KMT2C: variants seen among roughly 807,000 people sequenced by gnomAD.
KMT2C encodes histone-lysine N-methyltransferase 2C.
KMT2C carries 88 observed loss-of-function variants against 507.9 expected under a neutral mutation model. The observed-to-expected ratio is 0.17, with a 90% CI of 0.15 to 0.21. KMT2C has a LOEUF of 0.21. KMT2C is among the 10% of genes least tolerant of loss of function. The pLI is 1.00. For synonymous variants in KMT2C, 2,049 were observed against 2,080.8 expected, an observed-to-expected ratio of 0.98 and a Z score of 0.42; for missense variants, 4,954 against 5,957.8, an observed-to-expected ratio of 0.83 and a Z score of 5.55.
intron 7 of KMT2C, among the ~76,000 whole-genome samples, chr7:152,272,005 T>G (rs1338387211): frequency 1.3e-5 from 2 of 150,758 alleles, no homozygotes; most frequent in African/African-American, 2.4e-5. Context: ...TTGGGGGGGG[T>G]CTCTCTATTA....
At chr7:152,290,256 GTGTATATATATATATA>G in intron 6 of KMT2C, among the ~76,000 whole-genome samples, 1 of 32,050 alleles carries the variant, frequency 3.1e-5, no homozygotes, top group East Asian at 9.2e-4. Context: ...GTGTGTGTAT[GTGTATATATATATATA>G]TATATATATA....
intron 6 of KMT2C, among the ~76,000 whole-genome samples, chr7:152,291,147 A>C (rs1005437845): frequency 5.9e-5 from 9 of 152,188 alleles, no homozygotes; most frequent in Non-Finnish European, 1.0e-4. Flanking sequence ...CAAAGCTATT[A>C]AGTATTTGAC....
intron 1 of KMT2C, among the ~76,000 whole-genome samples, chr7:152,363,097 T>C (rs1199366792): frequency 1.3e-5 from 2 of 152,220 alleles, no homozygotes; most frequent in African/African-American, 2.4e-5. Context: ...ACCCTATCAG[T>C]TGCCAACTTT....
At chr7:152,345,510 A>G (rs1027684032) in intron 2 of KMT2C, among the ~76,000 whole-genome samples, 3 of 152,204 alleles carry the variant, frequency 2.0e-5, no homozygotes, top group Non-Finnish European at 4.4e-5. Context: ...AGAAATTGTT[A>G]TAATAGGTTG....
At chr7:152,302,817 T>C (rs1426378774) in intron 6 of KMT2C, among the ~76,000 whole-genome samples, 1 of 151,950 alleles carries the variant, frequency 6.6e-6, no homozygotes, top group Non-Finnish European at 1.5e-5. Flanking sequence ...AATTTTTATA[T>C]TTTTTTAGTA....
intron 9 of KMT2C, among the ~76,000 whole-genome samples, chr7:152,253,291 A>G (rs1301943775): frequency 2.0e-5 from 3 of 152,102 alleles, no homozygotes; most frequent in Non-Finnish European, 4.4e-5. Context: ...AGATAAAACC[A>G]AAAAGACAGC....
chr7:152,179,505 G>A (rs1469553190), intron 37 of KMT2C, among the ~76,000 whole-genome samples: 2 of 151,972 alleles, frequency 1.3e-5, no homozygotes, highest in East Asian at 1.9e-4. Context: ...GTTCTTAGAG[G>A]AAAAAAATGT....
chr7:152,215,513 CAAAAAAA>C (rs35751147), intron 23 of KMT2C, among the ~76,000 whole-genome samples: 17 of 25,968 alleles, frequency 6.5e-4, no homozygotes, highest in Non-Finnish European at 1.2e-3. Flanking sequence ...GACTCTGTCT[CAAAAAAA>C]AAAAAAAAAA....
rs559388226 is a variant in KMT2C, at chr7:152,357,614, A to G, written c.250+973T>C. 7.4e-5 allele frequency among the ~76,000 whole-genome samples: 11 copies of G among 149,318 alleles called. No homozygotes were observed. In the South Asian group the frequency reaches 8.5e-4, roughly 11 times the overall value. Reference sequence around the variant, plus strand: ...GTAAAAGTAACAATATATAGTACAGAAAAAAAAACCATATGAAAAAGAATT... The same window carrying G: ...GTAAAAGTAACAATATATAGTACAGGAAAAAAAACCATATGAAAAAGAATT... On this transcript the variant is annotated intron_variant, in intron 2 of 58. Coordinates refer to ENST00000262189, the MANE Select transcript of KMT2C (RefSeq NM_170606.3).
chr7:152,211,010 TAA>T (rs1378194652), intron 23 of KMT2C, among the ~76,000 whole-genome samples: 1 of 152,162 alleles, frequency 6.6e-6, no homozygotes, highest in Non-Finnish European at 1.5e-5. Context: ...CTGAAGGATA[TAA>T]GACAGCAGAC....
At chr7:152,179,782 G>A (rs1048403885) in intron 37 of KMT2C, 52 bp downstream of exon 37, 10 of 1,537,334 alleles carry the variant, frequency 6.5e-6, no homozygotes, top group Non-Finnish European at 9.0e-6. Flanking sequence ...ACCCAGCTCT[G>A]TTTCCCTCTT....
chr7:152,387,954 AAAG>A (rs770660599), intron 1 of KMT2C, among the ~76,000 whole-genome samples: 95 of 152,172 alleles, frequency 6.2e-4, no homozygotes, highest in Admixed American at 1.6e-3. Flanking sequence ...GAATTTATGA[AAAG>A]CACATATACC....
At chr7:152,366,831 GC>G (rs1203418034) in intron 1 of KMT2C, 2 of 253,560 alleles carry the variant, frequency 7.9e-6, no homozygotes, top group East Asian at 2.1e-4. Context: ...CCGCCCATCA[GC>G]TATGGAGGAG....
intron 50 of KMT2C, 104 bp from the exon 51 acceptor site, chr7:152,151,111 C>T: frequency 2.8e-6 from 2 of 707,342 alleles, no homozygotes; most frequent in South Asian, 1.9e-5. Flanking sequence ...GACAGTGGTT[C>T]TTTATCTTAA....
rs1006124171 is a variant in KMT2C, at chr7:152,177,266, T to C, written c.8187A>G (p.Val2729=). ...AATTATCTAAAGTATCCAATTCAAC[T>C]ACCTTGCCATCCTCTGTATCTAAAT... The part of the protein sequence containing the change: ...NLNLDTEDGK[V]VELDTLDNLE... The change falls in exon 38 of 59, where the codon GTA becomes GTG. Residue 2729 remains valine (V), a synonymous_variant. Transcript: ENST00000262189. The C allele has an allele frequency of 1.2e-6, 2 of 1,613,804 alleles. No homozygotes were observed. Among genetic ancestry groups the C allele is most frequent in the Non-Finnish European group, 1.7e-6 (2 of 1,180,002 alleles).
intron 3 of KMT2C, among the ~76,000 whole-genome samples, chr7:152,323,999 T>C (rs1294273118): frequency 3.3e-5 from 5 of 151,314 alleles, no homozygotes; most frequent in Non-Finnish European, 7.4e-5. Context: ...AAAGAACCAG[T>C]AGTAGAGTGA....
intron 1 of KMT2C, among the ~76,000 whole-genome samples, chr7:152,413,493 C>A (rs2097702451): frequency 6.6e-6 from 1 of 152,212 alleles, no homozygotes; most frequent in African/African-American, 2.4e-5. Context: ...TTAGAAGATA[C>A]AATGCAACTT....
intron 1 of KMT2C, among the ~76,000 whole-genome samples, chr7:152,434,770 T>C (rs2097900186): frequency 6.6e-6 from 1 of 152,176 alleles, no homozygotes; most frequent in South Asian, 2.1e-4. Flanking sequence ...GGTCCTCTAA[T>C]AAGCTGGGGT....
At chr7:152,394,133 ATC>A (rs1484269154) in intron 1 of KMT2C, among the ~76,000 whole-genome samples, 2 of 152,058 alleles carry the variant, frequency 1.3e-5, no homozygotes, top group South Asian at 4.1e-4. Flanking sequence ...GCTTCAAATC[ATC>A]TGTTACCCTG....
Sources: gnomAD v4.1 joint callset for allele counts (sites outside exome capture counted in the v4.1 genomes callset) on GRCh38, gnomAD v4.1.1 for gene constraint, MANE v1.5 for transcripts, NCBI Gene and HGNC (gene_info 2026-07-23, HGNC 2026-07-21) for gene names.